The following MACROD1 variants were observed in gnomAD, a reference collection of about 807,000 sequenced individuals.
MACROD1 encodes the protein ADP-ribose glycohydrolase MACROD1.
In MACROD1, 31 loss-of-function variants were observed where a neutral mutation model predicts 41.4. That is an observed-to-expected ratio of 0.75 (90% CI 0.56 to 1.01). The LOEUF is 1.01. Ranked by LOEUF, MACROD1 falls within the 50% of genes least tolerant of loss-of-function variation. MACROD1 has a pLI of 0.00. For synonymous variants in MACROD1, 252 were observed against 203.4 expected, an observed-to-expected ratio of 1.24 and a Z score of -2.03; for missense variants, 473 against 460.0, an observed-to-expected ratio of 1.03 and a Z score of -0.26.
chr11:64,003,847 G>A (rs1196806525), intron 4 of MACROD1, among the ~76,000 whole-genome samples: 4 of 152,156 alleles, frequency 2.6e-5, no homozygotes, highest in Admixed American at 6.5e-5. Context: ...ACATCAGCAC[G>A]TCCCCTTCCA....
intron 1 of MACROD1, among the ~76,000 whole-genome samples, chr11:64,164,405 G>C (rs1459959536): frequency 6.6e-6 from 1 of 152,222 alleles, no homozygotes; most frequent in Admixed American, 6.5e-5. Flanking sequence ...CCTTGTCTCC[G>C]TAGCTCTTTC....
chr11:64,038,320 C>T (rs1435060230), intron 3 of MACROD1, among the ~76,000 whole-genome samples: 1 of 152,210 alleles, frequency 6.6e-6, no homozygotes, highest in African/African-American at 2.4e-5. Context: ...GGCTTCCTTG[C>T]CTGCGCAGGG....
intron 3 of MACROD1, chr11:64,148,651 G>A (rs1222459842): frequency 2.5e-6 from 2 of 800,296 alleles, no homozygotes; most frequent in Non-Finnish European, 1.5e-6. Flanking sequence ...TAATGGACAC[G>A]TATTCTCTTC....
At chr11:64,026,544 C>T (rs1943226479) in intron 3 of MACROD1, among the ~76,000 whole-genome samples, 1 of 152,216 alleles carries the variant, frequency 6.6e-6, no homozygotes, top group African/African-American at 2.4e-5. Flanking sequence ...CTTAACTTTA[C>T]TAGTTATTGC....
intron 3 of MACROD1, among the ~76,000 whole-genome samples, chr11:64,045,975 C>A (rs957272353): frequency 3.9e-5 from 6 of 152,178 alleles, no homozygotes; most frequent in Non-Finnish European, 8.8e-5. Context: ...TCACTGTGGA[C>A]CTGCAGTGTG....
In MACROD1 at chr11:64,065,789, CAAA is replaced by C. The variant is rs58096977; in HGVS notation, c.518-50511_518-50509del. Among the ~76,000 whole-genome samples, 37 of 67,562 alleles carry C rather than the reference CAAA, an allele frequency of 5.5e-4. 1 individual carries two copies. The highest frequency in any genetic ancestry group is 1.3e-3 in the African/African-American group (29 of 22,426). The allele number at this position is 67,562 out of a possible 152,430, so 44.3% of individuals were successfully genotyped here. A position where few individuals can be genotyped will look rare whatever the true frequency, so the allele number is the denominator to read the frequency against. On this transcript the variant is annotated intron_variant, in intron 3 of 10. Transcript: ENST00000255681. ...TGGGCGACAGAGCACGACTCCGCCT[CAAA>C]AAAAAAAAAAAAAAAAAAGATGAAC...
At chr11:64,062,115 G>T (rs1943917108) in intron 3 of MACROD1, among the ~76,000 whole-genome samples, 1 of 151,942 alleles carries the variant, frequency 6.6e-6, no homozygotes, top group South Asian at 2.1e-4. Context: ...GTGCTGAAAT[G>T]CCCCTCTCCT....
At chr11:64,004,528 A>G (rs567386) in intron 4 of MACROD1, among the ~76,000 whole-genome samples, 74,449 of 152,026 alleles carry the variant, frequency 0.49, 19,802 homozygotes, top group African/African-American at 0.7. Context: ...TGTGGCCCAC[A>G]GGACCAGGAG....
At chr11:64,159,186 G>A (rs1420410900) in intron 1 of MACROD1, among the ~76,000 whole-genome samples, 1 of 152,002 alleles carries the variant, frequency 6.6e-6, no homozygotes, top group Non-Finnish European at 1.5e-5. Flanking sequence ...CGGTGTGGTG[G>A]CACAGGCCTG....
chr11:64,052,001 C>T (rs1167715983), intron 3 of MACROD1, among the ~76,000 whole-genome samples: 3 of 150,934 alleles, frequency 2.0e-5, no homozygotes, highest in Admixed American at 1.3e-4. Flanking sequence ...GGGGTCCAGG[C>T]GAGAGCTGGG....
At chr11:64,101,108 C>T (rs1049574143) in intron 3 of MACROD1, among the ~76,000 whole-genome samples, 1 of 151,942 alleles carries the variant, frequency 6.6e-6, no homozygotes, top group Non-Finnish European at 1.5e-5. Flanking sequence ...GTTCACAGGA[C>T]CACACAAGCC....
Position 64,122,373 on chromosome 11 carries a change from T to C in MACROD1, c.517+28866A>G, listed in dbSNP as rs1945112560. Among the ~76,000 whole-genome samples, 1 of 152,158 alleles carries C rather than the reference T, an allele frequency of 6.6e-6. No homozygotes were observed. The highest frequency in any genetic ancestry group is 2.1e-4 in the South Asian group (1 of 4,830). ...GCACCTTCCTGGCTCTGGGTGACGC[T>C]GGCAGGGGAGGGGACAGCACCTGGG... On this transcript the variant is annotated intron_variant, in intron 3 of 10. Transcript: ENST00000255681. This position sits in a 1 kb window ranked among gnomAD's most constrained non-coding sequence, Gnocchi z 4.0.
chr11:63,998,615 G>T lies in MACROD1; in HGVS notation c.*103C>A. ...GGGCGGGGCGCGGAGGGAAAGAAGGGGTGGCCAGGCCCAGGCCAGGCTGCA... is the reference window on the plus strand; with the variant it reads ...GGGCGGGGCGCGGAGGGAAAGAAGGTGTGGCCAGGCCCAGGCCAGGCTGCA... On this transcript the variant is annotated 3_prime_UTR_variant, in exon 11 of 11. Coordinates refer to ENST00000255681, the MANE Select transcript of MACROD1 (RefSeq NM_014067.4). 3 of 1,286,240 alleles carry T rather than the reference G, an allele frequency of 2.3e-6. No homozygotes were observed. Among genetic ancestry groups the T allele is most frequent in the Non-Finnish European group, 2.0e-6 (2 of 1,019,138 alleles). 79.7% of individuals were successfully genotyped at this position (1,286,240 alleles called of 1,614,324 possible).
intron 3 of MACROD1, among the ~76,000 whole-genome samples, chr11:64,113,360 TGATGGATGGATG>T (rs1191481891): frequency 6.6e-6 from 1 of 152,078 alleles, no homozygotes; most frequent in Non-Finnish European, 1.5e-5. Context: ...GTTGGATGCA[TGATGGATGGATG>T]GATGGATGGA....
chr11:64,125,492 C>T (rs1945164263), intron 3 of MACROD1, among the ~76,000 whole-genome samples: 1 of 152,208 alleles, frequency 6.6e-6, no homozygotes, highest in Non-Finnish European at 1.5e-5. Flanking sequence ...CCCCAGTTGC[C>T]ATCTGCCCAC....
At chr11:64,100,904 G>A (rs201868915) in intron 3 of MACROD1, among the ~76,000 whole-genome samples, 1 of 152,168 alleles carries the variant, frequency 6.6e-6, no homozygotes, top group East Asian at 1.9e-4. Context: ...GACATACAAA[G>A]CTGGACGGGC....
At chr11:64,157,353 G>T (rs760498279) in intron 1 of MACROD1, among the ~76,000 whole-genome samples, 1 of 152,064 alleles carries the variant, frequency 6.6e-6, no homozygotes, top group Non-Finnish European at 1.5e-5. Context: ...CTCAGCCTCC[G>T]AAAGTGCTGG....
chr11:64,164,431 G>A (rs938332094), intron 1 of MACROD1, among the ~76,000 whole-genome samples: 1 of 152,222 alleles, frequency 6.6e-6, no homozygotes, highest in Non-Finnish European at 1.5e-5. Context: ...CTCCTGGGTT[G>A]TTGTCCTCTG....
chr11:64,069,651 G>T (rs1194489281), intron 3 of MACROD1, among the ~76,000 whole-genome samples: 1 of 152,160 alleles, frequency 6.6e-6, no homozygotes, highest in South Asian at 2.1e-4. Flanking sequence ...CTGGGCATGG[G>T]GAGGCAGCCC....
Sources: allele counts gnomAD v4.1 joint callset (sites outside exome capture counted in the v4.1 genomes callset), GRCh38; gene constraint gnomAD v4.1.1; non-coding constraint Gnocchi (gnomAD v3.1); transcripts MANE v1.5; gene names NCBI Gene and HGNC (gene_info 2026-07-23, HGNC 2026-07-21).